Variants in PCDHA9 observed in about 807,000 individuals in gnomAD.
The protein encoded by PCDHA9 is protocadherin alpha-9.
Under a neutral mutation model 62.0 loss-of-function variants are expected in PCDHA9, and 62 were observed. The ratio of observed to expected loss-of-function variants is 1.00; its 90% CI spans 0.81 to 1.23. The LOEUF is 1.23. Among genes scored for constraint, PCDHA9 ranks in the 50% most tolerant of loss-of-function variants. PCDHA9 has a pLI of 0.00. For synonymous variants in PCDHA9, 557 were observed against 567.6 expected (o/e 0.98, Z 0.27); for missense variants, 1,205 against 1,249.8 (o/e 0.96, Z 0.54).
intron 1 of PCDHA9, among the ~76,000 whole-genome samples, chr5:140,933,797 A>G (rs1419925900): frequency 6.6e-6 from 1 of 152,062 alleles, no homozygotes; most frequent in African/African-American, 2.4e-5. Context: ...GAAAATTTTA[A>G]TTGAGATCAA....
chr5:140,892,763 C>G (rs1365366300), intron 1 of PCDHA9, among the ~76,000 whole-genome samples: 12 of 152,298 alleles, frequency 7.9e-5, no homozygotes, highest in Middle Eastern at 3.4e-3. Context: ...TTAAAATCCA[C>G]TCTTCTAGCT....
intron 1 of PCDHA9, among the ~76,000 whole-genome samples, chr5:140,916,511 C>G (rs2077595595): frequency 6.6e-6 from 1 of 152,132 alleles, no homozygotes; most frequent in African/African-American, 2.4e-5. Flanking sequence ...ATTAATCTTG[C>G]CAAGACTGGG....
intron 1 of PCDHA9, chr5:140,927,419 G>T (rs781883331): frequency 1.9e-6 from 3 of 1,614,140 alleles, no homozygotes; most frequent in South Asian, 2.2e-5. Flanking sequence ...ATGGGATCGC[G>T]GGTTGACGGC....
intron 3 of PCDHA9, among the ~76,000 whole-genome samples, chr5:140,986,211 C>T (rs1257937611): frequency 1.3e-5 from 2 of 152,126 alleles, no homozygotes; most frequent in African/African-American, 2.4e-5. Flanking sequence ...GATTACTGGC[C>T]CCTTTCTCTA....
intron 1 of PCDHA9, among the ~76,000 whole-genome samples, chr5:140,912,858 A>G (rs1554195572): frequency 6.6e-6 from 1 of 152,192 alleles, no homozygotes; most frequent in East Asian, 1.9e-4. Context: ...ATCAATTGAA[A>G]TGATATATGG....
intron 3 of PCDHA9, among the ~76,000 whole-genome samples, chr5:140,990,637 C>A (rs2097404568): frequency 6.6e-6 from 1 of 152,154 alleles, no homozygotes; most frequent in South Asian, 2.1e-4. Flanking sequence ...AGACTAGAAG[C>A]CTCAGCCAGT....
Position 140,925,039 on chromosome 5 carries a change from A to C in PCDHA9, c.2395-53910A>C, listed in dbSNP as rs554229960. ...GATGGGAGGATCGCTTGAGCCCAGA[A>C]GTTTGAGACCAGACTGGGCAACAAA... On this transcript the variant is annotated intron_variant, in intron 1 of 3. Coordinates refer to ENST00000532602, the MANE Select transcript of PCDHA9 (RefSeq NM_031857.2). Among the ~76,000 whole-genome samples the C allele has an allele frequency of 1.1e-4, 16 of 152,028 alleles. 1 individual carries two copies. The highest frequency in any genetic ancestry group is 1.6e-4 in the Non-Finnish European group (11 of 67,960).
chr5:140,884,105 C>T, intron 1 of PCDHA9: 2 of 1,613,466 alleles, frequency 1.2e-6, no homozygotes, highest in South Asian at 2.2e-5. Flanking sequence ...TGAATTGCAG[C>T]TGGCGGCGGT....
intron 1 of PCDHA9, among the ~76,000 whole-genome samples, chr5:140,903,368 A>G (rs1554190936): frequency 6.6e-6 from 1 of 152,234 alleles, no homozygotes; most frequent in Non-Finnish European, 1.5e-5. Flanking sequence ...TCAAAAATAT[A>G]GGGAGGATTG....
rs138821024 is a variant in PCDHA9, at chr5:140,968,111, C to T, written c.2395-10838C>T. ...AGCCACAGATGGGGGAATACCGCAG[C>T]TCACATCCCTGCGTACACTGAAGGT... On this transcript the variant is annotated intron_variant, in intron 1 of 3. Transcript: ENST00000532602. 533 of 1,614,062 alleles carry T rather than the reference C, an allele frequency of 3.3e-4. 1 individual carries two copies. The highest frequency in any genetic ancestry group is 4.1e-4 in the Non-Finnish European group (489 of 1,180,052).
At chr5:140,884,258 A>G (rs782780491) in intron 1 of PCDHA9, 1 of 1,613,390 alleles carries the variant, frequency 6.2e-7, no homozygotes, top group South Asian at 1.1e-5. Flanking sequence ...GGCCACGGCA[A>G]CGGTGCTGTT....
intron 1 of PCDHA9, chr5:140,868,902 T>G (rs2050730920): frequency 1.2e-6 from 1 of 837,896 alleles, no homozygotes; most frequent in African/African-American, 1.7e-5. Context: ...AAGGTGTCGC[T>G]CTTTACTTGG....
chr5:140,876,936 G>T, intron 1 of PCDHA9: 1 of 1,613,730 alleles, frequency 6.2e-7, no homozygotes, highest in South Asian at 1.1e-5. Flanking sequence ...AGAAGAACGC[G>T]CTGGTGTCCT....
In PCDHA9 at chr5:140,996,437, G is replaced by A. The variant is rs1013018828; in HGVS notation, c.2543-13190G>A. On this transcript the variant is annotated intron_variant, in intron 3 of 3. Coordinates refer to ENST00000532602, the MANE Select transcript of PCDHA9 (RefSeq NM_031857.2). Reference sequence around the variant, plus strand: ...AGTGTGAAAACTTTGGGAATAGTCAGTGTCAAGTTGTGGTGCTAAGGGAGG... The same window carrying A: ...AGTGTGAAAACTTTGGGAATAGTCAATGTCAAGTTGTGGTGCTAAGGGAGG... Among the ~76,000 whole-genome samples the A allele has an allele frequency of 4.6e-5, 7 of 152,224 alleles. 1 individual carries two copies. The highest frequency in any genetic ancestry group is 2.6e-4 in the Admixed American group (4 of 15,280).
At chr5:140,967,219 C>A (rs782211026) in intron 1 of PCDHA9, 2 of 1,613,772 alleles carry the variant, frequency 1.2e-6, no homozygotes, top group East Asian at 2.2e-5. Context: ...TCCCGCGGCC[C>A]AACTACCAGC....
intron 1 of PCDHA9, chr5:140,863,386 T>C (rs1554158163): frequency 9.7e-7 from 1 of 1,032,576 alleles, no homozygotes; most frequent in South Asian, 1.2e-5. Flanking sequence ...CGAGAGCTCG[T>C]GCATGCCGGG....
chr5:140,928,801 G>C, intron 1 of PCDHA9: 1 of 1,614,184 alleles, frequency 6.2e-7, no homozygotes, highest in Non-Finnish European at 8.5e-7. Context: ...GGTGGTGGTA[G>C]TGGTTCGGGA....
At chr5:140,862,753 A>C (rs2047525211) in intron 1 of PCDHA9, 1 of 577,638 alleles carries the variant, frequency 1.7e-6, no homozygotes, top group Non-Finnish European at 3.3e-6. Context: ...GCACGCGGAG[A>C]GCGGCAAGAG....
chr5:140,982,722 T>G, intron 3 of PCDHA9, 159 bp downstream of exon 3: 1 of 913,304 alleles, frequency 1.1e-6, no homozygotes, highest in African/African-American at 1.8e-5. Flanking sequence ...TATGATTATT[T>G]TGATTTTATA....
Sources: gnomAD v4.1 joint callset for allele counts (sites outside exome capture counted in the v4.1 genomes callset) on GRCh38, gnomAD v4.1.1 for gene constraint, MANE v1.5 for transcripts, NCBI Gene and HGNC (gene_info 2026-07-23, HGNC 2026-07-21) for gene names.